RALYL: variants seen among roughly 807,000 people sequenced by gnomAD.
RALYL encodes the protein RALY RNA binding protein like, also known as RNA-binding Raly-like protein.
In RALYL, 29 loss-of-function variants were observed where a neutral mutation model predicts 35.1. The observed-to-expected ratio is 0.83, with a 90% CI of 0.61 to 1.13. RALYL has a LOEUF of 1.13. RALYL is among the 50% of genes most tolerant of loss of function. The pLI is 0.00. For missense variants in RALYL, 359 were observed against 360.4 expected (o/e 1.00, Z 0.03); for synonymous variants, 120 against 127.6 (o/e 0.94, Z 0.40).
intron 1 of RALYL, among the ~76,000 whole-genome samples, chr8:84,408,784 A>G (rs746187827): frequency 2.6e-5 from 4 of 152,204 alleles, no homozygotes; most frequent in Non-Finnish European, 4.4e-5. Flanking sequence ...ATGTAGAACA[A>G]CAATGCTATA....
At chr8:84,495,114 T>C (rs2055858613) in intron 1 of RALYL, among the ~76,000 whole-genome samples, 1 of 152,162 alleles carries the variant, frequency 6.6e-6, no homozygotes, top group African/African-American at 2.4e-5. Flanking sequence ...GAAGGGATGT[T>C]GAATTTTATC....
intron 2 of RALYL, among the ~76,000 whole-genome samples, chr8:84,648,570 A>G (rs1014247899): frequency 5.3e-5 from 8 of 151,980 alleles, no homozygotes; most frequent in Admixed American, 2.6e-4. Flanking sequence ...CTATTAACAT[A>G]AGAAAAATCT....
At chr8:84,722,623 A>ATATG (rs1844165611) in intron 2 of RALYL, among the ~76,000 whole-genome samples, 1 of 135,506 alleles carries the variant, frequency 7.4e-6, no homozygotes, top group Admixed American at 7.2e-5. Context: ...GATTTTATAT[A>ATATG]TATATATATA....
intron 2 of RALYL, among the ~76,000 whole-genome samples, chr8:84,635,029 A>C (rs1306062907): frequency 6.6e-6 from 1 of 151,816 alleles, no homozygotes; most frequent in East Asian, 1.9e-4. Flanking sequence ...TGGTAAAAAA[A>C]GGTATTCAAG....
At chr8:84,264,146 G>T (rs1832837501) in intron 1 of RALYL, among the ~76,000 whole-genome samples, 1 of 152,070 alleles carries the variant, frequency 6.6e-6, no homozygotes, top group Non-Finnish European at 1.5e-5. Context: ...GGAATTGCTG[G>T]GTCAGATAGT....
intron 4 of RALYL, among the ~76,000 whole-genome samples, chr8:84,831,926 CAA>C (rs1467908797): frequency 1.3e-5 from 2 of 151,904 alleles, no homozygotes; most frequent in African/African-American, 2.4e-5. Context: ...GAGCTTGTAA[CAA>C]AAAGACAATA....
chr8:84,857,687 GAGA>G, intron 5 of RALYL, among the ~76,000 whole-genome samples: 1 of 152,106 alleles, frequency 6.6e-6, no homozygotes, highest in African/African-American at 2.4e-5. Flanking sequence ...TAACAGGCCT[GAGA>G]AATGTTTGTT....
In RALYL at chr8:84,920,054, A is replaced by G. The variant is rs571215519; in HGVS notation, c.859-840A>G. 1.3e-3 allele frequency among the ~76,000 whole-genome samples: 194 copies of G among 152,192 alleles called. 2 individuals are homozygous for G. The highest frequency in any genetic ancestry group is 8.5e-3 in the Admixed American group (130 of 15,270). On this transcript the variant is annotated intron_variant, in intron 8 of 8. Transcript: ENST00000521268. ...TTCAAAGCTTTAATAAATAAAGTCA[A>G]GTTACCTAATTCTCTGGCTACTTAT...
chr8:84,424,901 G>C (rs1414022378), intron 1 of RALYL, among the ~76,000 whole-genome samples: 2 of 151,662 alleles, frequency 1.3e-5, no homozygotes, highest in African/African-American at 2.4e-5. Context: ...GAGGCAGTCT[G>C]CAGGTTCTCA....
At chr8:84,727,939 T>C (rs1448078257) in intron 2 of RALYL, among the ~76,000 whole-genome samples, 1 of 152,042 alleles carries the variant, frequency 6.6e-6, no homozygotes, top group Non-Finnish European at 1.5e-5. Context: ...AACATACATG[T>C]GCATGTGTCT....
chr8:84,801,146 A>G (rs1032173685), intron 3 of RALYL, among the ~76,000 whole-genome samples: 2 of 152,174 alleles, frequency 1.3e-5, no homozygotes, highest in East Asian at 3.8e-4. Flanking sequence ...TCCACTCTAC[A>G]GTGTGTCATC....
intron 6 of RALYL, among the ~76,000 whole-genome samples, chr8:84,863,010 C>T (rs768981593): frequency 2.6e-5 from 4 of 151,984 alleles, no homozygotes; most frequent in Non-Finnish European, 4.4e-5. Context: ...TAAAAAGCAG[C>T]GATACAAACT....
intron 2 of RALYL, among the ~76,000 whole-genome samples, chr8:84,534,579 T>G (rs1038907450): frequency 6.6e-6 from 1 of 152,108 alleles, no homozygotes; most frequent in Admixed American, 6.6e-5. Context: ...TCAGTGAGGA[T>G]GTACTGGATG....
intron 1 of RALYL, among the ~76,000 whole-genome samples, chr8:84,208,950 G>A (rs1167292738): frequency 6.6e-6 from 1 of 151,834 alleles, no homozygotes; most frequent in African/African-American, 2.4e-5. Context: ...CATTTTAGCT[G>A]GAAGACTGTA....
intron 4 of RALYL, among the ~76,000 whole-genome samples, chr8:84,814,384 C>G (rs976652728): frequency 1.3e-5 from 2 of 152,020 alleles, no homozygotes; most frequent in Non-Finnish European, 2.9e-5. Context: ...AGTTATCAAG[C>G]AATATGAGTA....
At chr8:84,545,387 C>A (rs1388557494) in intron 2 of RALYL, among the ~76,000 whole-genome samples, 3 of 152,114 alleles carry the variant, frequency 2.0e-5, no homozygotes, top group Non-Finnish European at 4.4e-5. Context: ...TCTTTCAAAA[C>A]TGTCCTCTCT....
chr8:84,689,612 C>G (rs1199272659), intron 2 of RALYL, among the ~76,000 whole-genome samples: 1 of 152,032 alleles, frequency 6.6e-6, no homozygotes. Flanking sequence ...ATGGCTGGGT[C>G]AAATGGTATT....
chr8:84,581,249 T>G (rs1810760729), intron 2 of RALYL, among the ~76,000 whole-genome samples: 1 of 152,206 alleles, frequency 6.6e-6, no homozygotes, highest in Non-Finnish European at 1.5e-5. Context: ...GAAGGTGACA[T>G]AGATCTTCCC....
intron 2 of RALYL, chr8:84,665,816 T>G (rs1026031483): frequency 2.0e-5 from 3 of 152,066 alleles, no homozygotes; most frequent in African/African-American, 7.2e-5. Flanking sequence ...GCCATGCTAC[T>G]CTTCTCTGTA....
Sources: gnomAD v4.1 joint callset for allele counts (sites outside exome capture counted in the v4.1 genomes callset) on GRCh38, gnomAD v4.1.1 for gene constraint, MANE v1.5 for transcripts, NCBI Gene and HGNC (gene_info 2026-07-23, HGNC 2026-07-21) for gene names.